Variants in RPS6KC1 observed in about 807,000 individuals in gnomAD.
RPS6KC1 encodes ribosomal protein S6 kinase C1.
RPS6KC1 carries 54 observed loss-of-function variants against 103.8 expected under a neutral mutation model. That is an observed-to-expected ratio of 0.52 (90% confidence interval 0.42 to 0.65). The LOEUF (loss-of-function observed/expected upper bound fraction) is 0.65. Ranked by LOEUF, RPS6KC1 falls within the 30% of genes least tolerant of loss-of-function variation. RPS6KC1 has a pLI of 0.00. For missense variants in RPS6KC1, 1,151 were observed against 1,253.8 expected (o/e 0.92, Z 1.24); for synonymous variants, 439 against 438.7 (o/e 1.00, Z -0.01).
chr1:213,626,432 T>G, the RPS6KC1 span, among the ~76,000 whole-genome samples: 13 of 152,194 alleles, frequency 8.5e-5, no homozygotes, highest in South Asian at 1.0e-3. Flanking sequence ...TTAGTTTAAT[T>G]AGATCCCATT....
chr1:213,838,596 T>A, the RPS6KC1 span, among the ~76,000 whole-genome samples: 2 of 151,414 alleles, frequency 1.3e-5, no homozygotes, highest in African/African-American at 4.9e-5. Flanking sequence ...AAAAAAAAAA[T>A]GAAACCTTAT....
At chr1:213,133,431 A>G (rs1176294295) in intron 6 of RPS6KC1, among the ~76,000 whole-genome samples, 1 of 152,168 alleles carries the variant, frequency 6.6e-6, no homozygotes, top group Non-Finnish European at 1.5e-5. Context: ...TTAATCTTCA[A>G]AGGAACCCTA....
chr1:213,343,440 T>TACAC, the RPS6KC1 span, among the ~76,000 whole-genome samples: 1,452 of 80,290 alleles, frequency 0.018, 294 homozygotes, highest in Non-Finnish European at 0.023. Context: ...TATATATATA[T>TACAC]ACATACCATG....
chr1:213,312,658 T>C, the RPS6KC1 span, among the ~76,000 whole-genome samples: 1 of 152,210 alleles, frequency 6.6e-6, no homozygotes. Context: ...ACCTCGGTCC[T>C]GATTGAAAGA....
At chr1:213,784,802 C>A in the RPS6KC1 span, among the ~76,000 whole-genome samples, 2 of 152,152 alleles carry the variant, frequency 1.3e-5, no homozygotes, top group Non-Finnish European at 2.9e-5. Context: ...CCTCACTTAG[C>A]TTTTTCCCAT....
chr1:213,852,057 T>G, the RPS6KC1 span, among the ~76,000 whole-genome samples: 1 of 152,192 alleles, frequency 6.6e-6, no homozygotes, highest in Non-Finnish European at 1.5e-5. Flanking sequence ...TGCCCACTGT[T>G]CTCTCTCCTT....
the RPS6KC1 span, among the ~76,000 whole-genome samples, chr1:213,329,527 G>A: frequency 6.6e-6 from 1 of 151,958 alleles, no homozygotes; most frequent in Non-Finnish European, 1.5e-5. Context: ...GACACCACCA[G>A]ATAGAGCCTT....
At chr1:213,733,670 C>T in the RPS6KC1 span, among the ~76,000 whole-genome samples, 6 of 149,782 alleles carry the variant, frequency 4.0e-5, no homozygotes, top group South Asian at 4.2e-4. Flanking sequence ...AATCCCCTTT[C>T]GTGGGTTTTA....
At chr1:213,536,644 T>G in the RPS6KC1 span, among the ~76,000 whole-genome samples, 1 of 152,154 alleles carries the variant, frequency 6.6e-6, no homozygotes, top group Non-Finnish European at 1.5e-5. Context: ...TGTTTATACC[T>G]TGGGCCTGGA....
At chr1:213,550,483 G>A in the RPS6KC1 span, among the ~76,000 whole-genome samples, 4 of 152,038 alleles carry the variant, frequency 2.6e-5, no homozygotes, top group Non-Finnish European at 5.9e-5. Context: ...AGTGCATCTC[G>A]AGACTGCAGA....
the RPS6KC1 span, among the ~76,000 whole-genome samples, chr1:213,300,717 T>A: frequency 6.6e-6 from 1 of 152,220 alleles, no homozygotes; most frequent in Admixed American, 6.5e-5. Flanking sequence ...CAGTTTCTTC[T>A]GAGAAGGCTC....
At chr1:213,217,251 CAAAT>C (rs2093691078) in intron 8 of RPS6KC1, among the ~76,000 whole-genome samples, 1 of 152,030 alleles carries the variant, frequency 6.6e-6, no homozygotes, top group African/African-American at 2.4e-5. Context: ...CACCTCTACT[CAAAT>C]AAACTAGAAA....
At chr1:213,847,054 T>G in the RPS6KC1 span, among the ~76,000 whole-genome samples, 8 of 152,218 alleles carry the variant, frequency 5.3e-5, no homozygotes, top group South Asian at 1.7e-3. Context: ...TAAGTCAGAT[T>G]AATCATGGCA....
chr1:213,809,858 C>T, the RPS6KC1 span, among the ~76,000 whole-genome samples: 3 of 152,184 alleles, frequency 2.0e-5, no homozygotes, highest in Non-Finnish European at 1.5e-5. Flanking sequence ...AGTTATTTTT[C>T]TAAACCAATT....
chr1:213,076,990 C>T (rs1193218627), intron 2 of RPS6KC1, among the ~76,000 whole-genome samples: 1 of 151,994 alleles, frequency 6.6e-6, no homozygotes, highest in African/African-American at 2.4e-5. Context: ...CTGCCTCAGC[C>T]CCCCGAGTAG....
At chr1:213,842,257 G>A in the RPS6KC1 span, 1 of 152,210 alleles carries the variant, frequency 6.6e-6, no homozygotes, top group East Asian at 1.9e-4. Context: ...TAACAAATTA[G>A]TGCACAATAC....
the RPS6KC1 span, among the ~76,000 whole-genome samples, chr1:213,372,935 C>T: frequency 6.6e-6 from 1 of 152,070 alleles, no homozygotes; most frequent in African/African-American, 2.4e-5. Flanking sequence ...GCTTGATTGG[C>T]TTTAAACTGT....
the RPS6KC1 span, among the ~76,000 whole-genome samples, chr1:213,383,149 T>C: frequency 3.9e-5 from 6 of 152,256 alleles, no homozygotes; most frequent in East Asian, 9.6e-4. Flanking sequence ...CTGTACTGTG[T>C]TTGTCTTTTC....
chr1:213,692,785 G>T, the RPS6KC1 span, among the ~76,000 whole-genome samples: 1 of 152,194 alleles, frequency 6.6e-6, no homozygotes, highest in Admixed American at 6.5e-5. Context: ...TCAGGAAGCT[G>T]CTGATCACCA....
Sources: gnomAD v4.1 joint callset for allele counts (sites outside exome capture counted in the v4.1 genomes callset) on GRCh38, gnomAD v4.1.1 for gene constraint, MANE v1.5 for transcripts, NCBI Gene and HGNC (gene_info 2026-07-23, HGNC 2026-07-21) for gene names.